The following MIAT variants were observed in gnomAD, a reference collection of about 807,000 sequenced individuals.
The protein encoded by MIAT is myocardial infarction associated transcript.
At chr22:26,667,752 C>T (rs2146015625) in intron 5 of MIAT, 1 of 170,010 alleles carries the variant, frequency 5.9e-6, no homozygotes, top group East Asian at 1.6e-4. Context: ...GATCACGGCT[C>T]ACTGCAGCCT....
Position 26,666,350 on chromosome 22 carries a change from G to C in MIAT, n.1549G>C, listed in dbSNP as rs757306402. 18 of 398,526 alleles carry C rather than the reference G, an allele frequency of 4.5e-5. 1 individual carries two copies. The highest frequency in any genetic ancestry group is 7.5e-5 in the Non-Finnish European group (17 of 226,096). The allele number at this position is 398,526 out of a possible 1,614,324, so 24.7% of individuals were successfully genotyped here. A position where few individuals can be genotyped will look rare whatever the true frequency, so the allele number is the denominator to read the frequency against. ...GCTCCCCGAATTTCCTCTGGTGCAT[G>C]GGGCATCAGGAAAGGGCAGGGGAGA... is the stretch of plus-strand genomic sequence containing the variant. On this transcript the variant is annotated non_coding_transcript_exon_variant, in exon 4 of 6. Coordinates refer to ENST00000643270, the Ensembl canonical transcript of MIAT.
chr22:26,672,785 C>T (rs1931100185), downstream of MIAT: 4 of 398,720 alleles, frequency 1.0e-5, no homozygotes, highest in Middle Eastern at 6.3e-4. Context: ...GTCAATGAAG[C>T]GGGTCTTTCC....
intron 1 of MIAT, chr22:26,647,097 C>T (rs1372895053): frequency 7.5e-6 from 3 of 398,090 alleles, no homozygotes; most frequent in East Asian, 3.6e-5. Context: ...GGGATGACAC[C>T]GTCAGCATGG....
Position 26,658,357 on chromosome 22 carries a change from T to G in MIAT, n.647-4959T>G, listed in dbSNP as rs1400574760. ...ACGAGGTGGTAAGAAACAACCCCAT[T>G]TTAAAGATGAAGAAATGGAGATTCA... On this transcript the variant is annotated intron_variant and non_coding_transcript_variant, in intron 2 of 5. Coordinates refer to ENST00000643270, the Ensembl canonical transcript of MIAT. 6 of 152,270 alleles carry G rather than the reference T, an allele frequency of 3.9e-5. No homozygotes were observed. The East Asian group carries it at 9.6e-4, about 24-fold the overall frequency. The allele number at this position is 152,270 out of a possible 1,614,324, so 9.4% of individuals were successfully genotyped here. A position where few individuals can be genotyped will look rare whatever the true frequency, so the allele number is the denominator to read the frequency against.
At chr22:26,675,154 C>T (rs1885751726) in exon 5 of MIAT, 2 of 398,802 alleles carry the variant, frequency 5.0e-6, no homozygotes, top group Non-Finnish European at 8.8e-6. Context: ...ACCTAATCCA[C>T]CCTGTGGTGG....
At chr22:26,670,303 G>C (rs1840895285), downstream of MIAT, 1 of 398,408 alleles carries the variant, frequency 2.5e-6, no homozygotes, top group Admixed American at 4.4e-5. Flanking sequence ...GGGAAATATA[G>C]GTGAAGAGTG....
chr22:26,668,634 T>A (rs1400715597), exon 6 of MIAT: 2 of 399,244 alleles, frequency 5.0e-6, no homozygotes, highest in Non-Finnish European at 8.8e-6. Context: ...GGAACAAGGA[T>A]GGGAGTCGGG....
chr22:26,648,089 G>C (rs547025274), intron 2 of MIAT, among the ~76,000 whole-genome samples: 1 of 152,036 alleles, frequency 6.6e-6, no homozygotes, highest in African/African-American at 2.4e-5. Context: ...GGGGAGGAGG[G>C]AAGGCAGCCG....
intron 2 of MIAT, among the ~76,000 whole-genome samples, chr22:26,653,970 A>G (rs1237488290): frequency 6.6e-6 from 1 of 152,096 alleles, no homozygotes; most frequent in Non-Finnish European, 1.5e-5. Context: ...CAAACTCTTG[A>G]CCTCAGGTGA....
exon 1 of MIAT, chr22:26,646,666 G>A (rs775872187): frequency 1.3e-5 from 5 of 398,462 alleles, no homozygotes; most frequent in Non-Finnish European, 2.2e-5. Context: ...GTGTGTCCCC[G>A]GCATCACTGG....
chr22:26,668,695 G>A (rs1312323569), exon 6 of MIAT: 3 of 399,144 alleles, frequency 7.5e-6, no homozygotes, highest in East Asian at 3.6e-5. Context: ...GCCGCTGGCT[G>A]GAGTCCTTTG....
At chr22:26,656,673 C>T (rs1930466647) in intron 2 of MIAT, among the ~76,000 whole-genome samples, 1 of 152,200 alleles carries the variant, frequency 6.6e-6, no homozygotes, top group Admixed American at 6.5e-5. Context: ...ACTCTAGAAC[C>T]ACTACTTCAG....
rs190506405 is a variant in MIAT at position 26,666,558 on chromosome 22, C to T, written n.1757C>T. The T allele has an allele frequency of 1.4e-4, 56 of 398,656 alleles. No individual in the cohort carries two copies. In the Middle Eastern group the frequency reaches 1.9e-3, roughly 13 times the overall value. The allele number at this position is 398,656 out of a possible 1,614,324, so 24.7% of individuals were successfully genotyped here. On this transcript the variant is annotated non_coding_transcript_exon_variant, in exon 4 of 6. Coordinates refer to ENST00000643270, the Ensembl canonical transcript of MIAT. The stretch of plus-strand genomic sequence containing the variant: ...TCAGAATTCTGGATTCCTGACTCTC[C>T]GTTCAGCTGCTATTCAGCTATCACC...
intron 2 of MIAT, among the ~76,000 whole-genome samples, chr22:26,651,954 T>C (rs1214635920): frequency 6.6e-6 from 1 of 152,210 alleles, no homozygotes; most frequent in Non-Finnish European, 1.5e-5. Context: ...ACGCTTTAAA[T>C]GGTTAGTTTT....
intron 2 of MIAT, among the ~76,000 whole-genome samples, chr22:26,659,814 TTTTCTTTTTCTTTC>T (rs1420251918): frequency 1.4e-5 from 2 of 144,494 alleles, no homozygotes; most frequent in Admixed American, 1.5e-4. Flanking sequence ...CATTTTCTTT[TTTTCTTTTTCTTTC>T]TTTCTTTCTT....
chr22:26,653,572 C>A (rs554043717), intron 2 of MIAT, among the ~76,000 whole-genome samples: 1 of 152,118 alleles, frequency 6.6e-6, no homozygotes, highest in South Asian at 2.1e-4. Flanking sequence ...AAAGCAATCA[C>A]GTAGTTTTTA....
chr22:26,674,512 G>A (rs1457106876), downstream of MIAT: 7 of 398,710 alleles, frequency 1.8e-5, no homozygotes, highest in African/African-American at 1.0e-4. Context: ...AGGTTGCTTG[G>A]GTCGTTGAAT....
intron 2 of MIAT, chr22:26,663,282 C>T: frequency 2.5e-6 from 1 of 398,610 alleles, no homozygotes. Flanking sequence ...TGTATTTATT[C>T]TCTCACTGCT....
chr22:26,671,450 G>C, downstream of MIAT: 3 of 398,754 alleles, frequency 7.5e-6, no homozygotes, highest in Non-Finnish European at 8.8e-6. Context: ...GGACGCTGTG[G>C]CGTGTGACGA....
Sources: allele counts gnomAD v4.1 joint callset (sites outside exome capture counted in the v4.1 genomes callset), GRCh38; gene constraint gnomAD v4.1.1; transcripts MANE v1.5; gene names NCBI Gene and HGNC (gene_info 2026-07-23, HGNC 2026-07-21).